Variants in CMYA5 observed in about 807,000 individuals in gnomAD.
CMYA5 encodes the protein cardiomyopathy associated 5.
CMYA5 carries 246 observed loss-of-function variants against 318.9 expected under a neutral mutation model. The ratio of observed to expected loss-of-function variants is 0.77; its 90% CI spans 0.70 to 0.86. The LOEUF is 0.86. CMYA5 is among the 40% of genes least tolerant of loss of function. The pLI is 0.00. For missense variants in CMYA5, 4,589 were observed against 4,678.2 expected (o/e 0.98, Z 0.56); for synonymous variants, 1,641 against 1,729.5 (o/e 0.95, Z 1.27).
Position 79,739,161 on chromosome 5 carries a change from T to C in CMYA5, c.10396T>C (p.Phe3466Leu), listed in dbSNP as rs1168785807. Residue 3466 changes from phenylalanine (F) to leucine (L), a missense_variant, in exon 2 of 13, where the codon TTT becomes CTT. Phe to Leu is a conservative substitution (Grantham distance 22). This residue lies in a region of CMYA5 where 2,431 missense variants were observed against 2,495.1 expected (regional missense o/e 0.97). Transcript: ENST00000446378. ...ESFEHISENE[F>L]ASEAEQSTPA... ...CTTTGAGCACATCAGTGAAAATGAA[T>C]TTGCGAGTGAGGCAGAACAAAGTAC... 6.2e-7 allele frequency: 1 copy of C among 1,613,620 alleles called. No individual in the cohort carries two copies. Among genetic ancestry groups the C allele is most frequent in the East Asian group, 2.2e-5 (1 of 44,860 alleles).
At position 79,735,345 on chromosome 5, in the gene CMYA5, A is replaced by G. The variant is rs934488277; in HGVS notation, c.6580A>G (p.Asn2194Asp). The G allele has an allele frequency of 1.2e-6, 2 of 1,613,732 alleles. No homozygotes were observed. The highest frequency in any genetic ancestry group is 1.7e-6 in the Non-Finnish European group (2 of 1,179,820). Residue 2194 changes from asparagine to aspartate, a missense_variant, in exon 2 of 13, where the codon AAC becomes GAC. Around this residue, in one of 3 missense-constraint regions of CMYA5, gnomAD observed 2,431 missense variants for 2,495.1 expected, o/e 0.97. Transcript: ENST00000446378. ...SLFFGSSTPD[N>D]KVAEQEDLET... ...GTTTTTTGGATCGAGCACTCCAGAT[A>G]ACAAAGTTGCTGAACAAGAAGACTT...
At position 79,717,974 on chromosome 5, in the gene CMYA5, C is replaced by T. The variant is rs1287765503; in HGVS notation, c.150-10941C>T. Reference sequence around the variant, plus strand: ...CGGGATCTCGGCTCACTGCAAGCTCCGCCTCCCGGGTTCACGCCATTCTCC... The same window carrying T: ...CGGGATCTCGGCTCACTGCAAGCTCTGCCTCCCGGGTTCACGCCATTCTCC... On this transcript the variant is annotated intron_variant, in intron 1 of 12. Transcript: ENST00000446378. 3.3e-4 allele frequency among the ~76,000 whole-genome samples: 16 copies of T among 49,100 alleles called. 3 individuals carry two copies. Among genetic ancestry groups the T allele is most frequent in the Non-Finnish European group, 5.1e-4 (14 of 27,634 alleles). 32.2% of individuals were successfully genotyped at this position (49,100 alleles called of 152,430 possible).
intron 6 of CMYA5, among the ~76,000 whole-genome samples, chr5:79,757,520 T>TA (rs1442183272): frequency 1.3e-5 from 2 of 152,164 alleles, no homozygotes; most frequent in African/African-American, 4.8e-5. Flanking sequence ...AGTTAGTAAT[T>TA]AAAAAAATTG....
intron 1 of CMYA5, among the ~76,000 whole-genome samples, chr5:79,715,530 A>G (rs1031533104): frequency 1.3e-5 from 2 of 151,420 alleles, no homozygotes; most frequent in African/African-American, 4.9e-5. Flanking sequence ...CTCGTCATCC[A>G]CCCGCCTCGG....
At chr5:79,752,895 C>A in intron 6 of CMYA5, 101 bp downstream of exon 6, 1 of 750,724 alleles carries the variant, frequency 1.3e-6, no homozygotes, top group Non-Finnish European at 2.2e-6. Flanking sequence ...AGTGTAAAGA[C>A]ATGTAACTGG....
chr5:79,760,070 CT>C (rs1240039093), intron 7 of CMYA5, among the ~76,000 whole-genome samples: 1 of 152,096 alleles, frequency 6.6e-6, no homozygotes, highest in Non-Finnish European at 1.5e-5. Flanking sequence ...AAAGTTTATT[CT>C]TTTGTTTGTT....
rs6453480 is a variant in CMYA5 at position 79,753,190 on chromosome 5, A to G, written c.11110+396A>G. Reference sequence around the variant, plus strand: ...CGTGTCAAACAGATTTCTCTTTATGAGTGGTTTTCCCCTCTTCAATTCAGT... The same window carrying G: ...CGTGTCAAACAGATTTCTCTTTATGGGTGGTTTTCCCCTCTTCAATTCAGT... On this transcript the variant is annotated intron_variant, in intron 6 of 12. Coordinates refer to ENST00000446378, the MANE Select transcript of CMYA5 (RefSeq NM_153610.5). 6.7e-3 allele frequency among the ~76,000 whole-genome samples: 1,027 copies of G among 152,172 alleles called. 16 individuals carry two copies. Among genetic ancestry groups the G allele is most frequent in the African/African-American group, 0.024 (979 of 41,528 alleles).
At chr5:79,694,363 G>A (rs780886344) in intron 1 of CMYA5, among the ~76,000 whole-genome samples, 12 of 152,308 alleles carry the variant, frequency 7.9e-5, no homozygotes, top group South Asian at 2.1e-4. Flanking sequence ...ATGGTTTCCT[G>A]TATGGAGAGG....
In CMYA5 at chr5:79,732,999, G is replaced by T; in HGVS notation, c.4234G>T (p.Val1412Phe). The T allele has an allele frequency of 1.9e-6, 3 of 1,613,360 alleles. No individual in the cohort carries two copies. The highest frequency in any genetic ancestry group is 2.5e-6 in the Non-Finnish European group (3 of 1,179,606). The change falls in exon 2 of 13, where the codon GTT becomes TTT. Residue 1412 changes from valine (V) to phenylalanine (F), a missense_variant. Around this residue, in one of 3 missense-constraint regions of CMYA5, gnomAD observed 2,132 missense variants for 2,131.3 expected, o/e 1.00. Coordinates refer to ENST00000446378, the MANE Select transcript of CMYA5 (RefSeq NM_153610.5). Reference sequence around the variant, plus strand: ...GGTAACATCTGCAGATGAACATTCAGTTCTTGCAGAAGAAGACAAGGTGGC... The same window carrying T: ...GGTAACATCTGCAGATGAACATTCATTTCTTGCAGAAGAAGACAAGGTGGC... ...PLVTSADEHS[V>F]LAEEDKVAIK... is the part of the protein sequence containing the mutation.
At chr5:79,792,716 T>C (rs527623044) in intron 11 of CMYA5, among the ~76,000 whole-genome samples, 3 of 152,354 alleles carry the variant, frequency 2.0e-5, no homozygotes, top group East Asian at 1.9e-4. Flanking sequence ...CCAAGCAAAA[T>C]TGAGCAATTC....
At chr5:79,772,157 C>G (rs1828868146) in intron 9 of CMYA5, among the ~76,000 whole-genome samples, 1 of 151,950 alleles carries the variant, frequency 6.6e-6, no homozygotes, top group Non-Finnish European at 1.5e-5. Flanking sequence ...TCATTAAGAC[C>G]AACATCGAGC....
rs1827834146 is a variant in CMYA5, at chr5:79,729,770, A to G, written c.1005A>G (p.Thr335=). 1.2e-6 allele frequency: 2 copies of G among 1,614,014 alleles called. No individual in the cohort carries two copies. The highest frequency in any genetic ancestry group is 8.5e-7 in the Non-Finnish European group (1 of 1,179,876). Residue 335 remains threonine, a synonymous_variant, in exon 2 of 13, where the codon ACA becomes ACG. Coordinates refer to ENST00000446378, the MANE Select transcript of CMYA5 (RefSeq NM_153610.5). ...KIYADSPLNA[T]SALEHTVPSY... is the part of the protein sequence containing the mutation. ...ATGCTGATTCTCCCCTAAATGCCAC[A>G]TCTGCATTGGAGCACACAGTTCCCT...
At chr5:79,776,393 G>A (rs1349617574) in intron 9 of CMYA5, among the ~76,000 whole-genome samples, 1 of 152,110 alleles carries the variant, frequency 6.6e-6, no homozygotes, top group Non-Finnish European at 1.5e-5. Context: ...GTTCCATATT[G>A]ACAGTTAGTT....
intron 9 of CMYA5, among the ~76,000 whole-genome samples, chr5:79,769,320 G>C (rs113260691): frequency 2.0e-5 from 3 of 151,872 alleles, no homozygotes; most frequent in Non-Finnish European, 4.4e-5. Flanking sequence ...CTCATTTTCT[G>C]TCTAGTTTTG....
In CMYA5 at chr5:79,734,226, C is replaced by G; in HGVS notation, c.5461C>G (p.Gln1821Glu). 1 of 1,613,036 alleles carries G rather than the reference C, an allele frequency of 6.2e-7. No homozygotes were observed. Among genetic ancestry groups the G allele is most frequent in the Non-Finnish European group, 8.5e-7 (1 of 1,179,550 alleles). The change falls in exon 2 of 13, where the codon CAA (glutamine) becomes GAA (glutamate). Residue 1821 changes from glutamine (Q) to glutamate (E), a missense_variant. Gln to Glu is a conservative substitution (Grantham distance 29). Around this residue, in one of 3 missense-constraint regions of CMYA5, gnomAD observed 2,132 missense variants for 2,131.3 expected, o/e 1.00. Transcript: ENST00000446378. The stretch of plus-strand genomic sequence containing the variant: ...TGCTCCTTCTGACCTCCTTGTAGAA[C>G]AAAAAAAGACAGAAAAAGCACTTCA... Reference protein sequence around the residue: ...KIAPSDLLVEQKKTEKALHSD... With the variant: ...KIAPSDLLVEEKKTEKALHSD...
At position 79,734,456 on chromosome 5, in the gene CMYA5, A is replaced by T; in HGVS notation, c.5691A>T (p.Gly1897=). Reference sequence around the variant, plus strand: ...CAAAGGATGAAAACTGGATGTTGGGAAAGCCAGAAAATGTGGCTAGTCAAC... The same window carrying T: ...CAAAGGATGAAAACTGGATGTTGGGTAAGCCAGAAAATGTGGCTAGTCAAC... ...ISPKDENWML[G]KPENVASQHE... Residue 1897 remains glycine (G), a synonymous_variant, in exon 2 of 13, where the codon GGA becomes GGT. Transcript: ENST00000446378. 6.2e-7 allele frequency: 1 copy of T among 1,613,706 alleles called. No individual in the cohort carries two copies. The highest frequency in any genetic ancestry group is 8.5e-7 in the Non-Finnish European group (1 of 1,179,780).
chr5:79,727,734 A>G (rs915737298), intron 1 of CMYA5, among the ~76,000 whole-genome samples: 23 of 152,320 alleles, frequency 1.5e-4, no homozygotes, highest in Non-Finnish European at 3.1e-4. Flanking sequence ...TCTGCATTCT[A>G]AATGGAGGAA....
Position 79,763,188 on chromosome 5 carries a change from C to T in CMYA5, c.11534C>T (p.Ser3845Phe). Residue 3845 changes from serine to phenylalanine, a missense_variant, in exon 9 of 13, where the codon TCT becomes TTT. Transcript: ENST00000446378. Reference sequence around the variant, plus strand: ...ACTCTGGAGTACTGCAGACAGCACTCTCCTGAGGGAGAGGGCCTCAGGTGA... The same window carrying T: ...ACTCTGGAGTACTGCAGACAGCACTTTCCTGAGGGAGAGGGCCTCAGGTGA... ...TYTLEYCRQHSPEGEGLRSFS... is the reference protein window; with the variant it reads ...TYTLEYCRQHFPEGEGLRSFS... 6.2e-7 allele frequency: 1 copy of T among 1,608,908 alleles called. No homozygotes were observed. The highest frequency in any genetic ancestry group is 1.1e-5 in the South Asian group (1 of 89,940).
chr5:79,790,392 C>T (rs1381308167), intron 10 of CMYA5, among the ~76,000 whole-genome samples: 1 of 152,106 alleles, frequency 6.6e-6, no homozygotes, highest in Non-Finnish European at 1.5e-5. Context: ...GTCTCAGCCT[C>T]CTGAGTAGCT....
Sources: gnomAD v4.1 joint callset for allele counts (sites outside exome capture counted in the v4.1 genomes callset) on GRCh38, gnomAD v4.1.1 for gene constraint, gnomAD v4.1.1 regional missense constraint, MANE v1.5 for transcripts, NCBI Gene and HGNC (gene_info 2026-07-23, HGNC 2026-07-21) for gene names.